Variants in ARV1 observed in about 807,000 individuals in gnomAD.
ARV1 encodes the protein protein ARV1.
ARV1 carries 26 observed loss-of-function variants against 31.1 expected under a neutral mutation model. The observed-to-expected ratio is 0.84, with a 90% confidence interval of 0.61 to 1.16. The LOEUF (loss-of-function observed/expected upper bound fraction) is 1.16, where lower values mean the gene tolerates loss of function less well. Ranked by LOEUF, ARV1 falls within the 50% of genes most tolerant of loss-of-function variation. The probability of loss-of-function intolerance (pLI) is 0.00; values close to 1 mark genes in which losing one functional copy is unlikely to be tolerated. For missense variants in ARV1, 281 were observed against 324.9 expected (o/e 0.86, Z 1.04); for synonymous variants, 117 against 123.2 (o/e 0.95, Z 0.34).
intron 1 of ARV1, among the ~76,000 whole-genome samples, chr1:230,986,642 C>A (rs1270511664): frequency 1.4e-5 from 2 of 144,006 alleles, no homozygotes; most frequent in Non-Finnish European, 3.0e-5. Context: ...TTCGTGCCTT[C>A]CACCCACAAA....
In ARV1 at chr1:230,990,280, CT is replaced by C; in HGVS notation, c.448+20del. ...CTGCTTTAGGTAAGGAGATGCCATGCTTTCCATTCTTAGTTAACTATTCTTA... is the reference window on the plus strand; with the variant it reads ...CTGCTTTAGGTAAGGAGATGCCATGCTTCCATTCTTAGTTAACTATTCTTA... On this transcript the variant is annotated intron_variant, in intron 3 of 5. Transcript: ENST00000310256. The C allele has an allele frequency of 6.2e-7, 1 of 1,611,658 alleles. No individual in the cohort carries two copies. The highest frequency in any genetic ancestry group is 8.5e-7 in the Non-Finnish European group (1 of 1,179,340).
rs1303896054 is a variant in ARV1, at chr1:230,986,746, A to G, written c.175-1574A>G. Among the ~76,000 whole-genome samples the G allele has an allele frequency of 4.7e-5, 6 of 126,528 alleles. No homozygotes were observed. The South Asian group carries it at 1.3e-3, about 27-fold the overall frequency. The allele number at this position is 126,528 out of a possible 152,430, so 83.0% of individuals were successfully genotyped here. A position where few individuals can be genotyped will look rare whatever the true frequency, so the allele number is the denominator to read the frequency against. ...GAGACAGGGTCTTGCTTTGTTGCCCAGGATGGGCTCGAACTTCTGGCTTCA... is the reference window on the plus strand; with the variant it reads ...GAGACAGGGTCTTGCTTTGTTGCCCGGGATGGGCTCGAACTTCTGGCTTCA... On this transcript the variant is annotated intron_variant, in intron 1 of 5. Transcript: ENST00000310256.
intron 5 of ARV1, among the ~76,000 whole-genome samples, chr1:230,997,694 T>C (rs1162458438): frequency 6.6e-6 from 1 of 152,190 alleles, no homozygotes; most frequent in Non-Finnish European, 1.5e-5. Context: ...TTGCCTCTTT[T>C]TTAACCACAC....
At chr1:230,985,556 G>T (rs1162147010) in intron 1 of ARV1, among the ~76,000 whole-genome samples, 1 of 152,220 alleles carries the variant, frequency 6.6e-6, no homozygotes, top group African/African-American at 2.4e-5. Flanking sequence ...AATAACAGCT[G>T]CTGTGTCTCC....
At chr1:230,988,600 A>G (rs950283317) in intron 2 of ARV1, among the ~76,000 whole-genome samples, 161 bp downstream of exon 2, 1 of 152,176 alleles carries the variant, frequency 6.6e-6, no homozygotes, top group South Asian at 2.1e-4. Context: ...AGTTTCTAGA[A>G]ATAATAGATG....
chr1:230,979,118 G>A lies in ARV1; in HGVS notation c.13G>A (p.Gly5Arg). The stretch of plus-strand genomic sequence containing the variant: ...CAGTTGAGTGGAAATGGGCAACGGC[G>A]GGCGGAGCGGCCTGCAGCAGGGGAA... MGNG[G>R]RSGLQQGKGN... The change falls in exon 1 of 6, where the codon GGG becomes AGG. Residue 5 changes from glycine to arginine, a missense_variant. Transcript: ENST00000310256. 2 of 1,597,526 alleles carry A rather than the reference G, an allele frequency of 1.3e-6. No individual in the cohort carries two copies. Among genetic ancestry groups the A allele is most frequent in the Non-Finnish European group, 1.7e-6 (2 of 1,173,296 alleles).
At chr1:230,987,410 C>G (rs1449882889) in intron 1 of ARV1, among the ~76,000 whole-genome samples, 1 of 152,178 alleles carries the variant, frequency 6.6e-6, no homozygotes, top group Non-Finnish European at 1.5e-5. Flanking sequence ...AGCATTGATG[C>G]ATTTTTGTGA....
At chr1:230,989,918 TCCC>T (rs1047387130) in intron 2 of ARV1, among the ~76,000 whole-genome samples, 189 bp from the exon 3 acceptor site, 3 of 152,214 alleles carry the variant, frequency 2.0e-5, no homozygotes, top group African/African-American at 7.2e-5. Context: ...GAAAAAAATC[TCCC>T]CATGTGCTTC....
intron 2 of ARV1, among the ~76,000 whole-genome samples, chr1:230,989,571 CT>C (rs1679174210): frequency 6.6e-6 from 1 of 152,148 alleles, no homozygotes; most frequent in African/African-American, 2.4e-5. Context: ...TAATTGTTCT[CT>C]TTTAACATAT....
chr1:230,980,363 G>C (rs1026688625), intron 1 of ARV1, among the ~76,000 whole-genome samples: 1 of 151,394 alleles, frequency 6.6e-6, no homozygotes, highest in Non-Finnish European at 1.5e-5. Context: ...TTGAGATAGA[G>C]TTTCCCTCTG....
chr1:230,984,371 T>TGCGCGC (rs1189194460), intron 1 of ARV1, among the ~76,000 whole-genome samples: 1 of 85,490 alleles, frequency 1.2e-5, no homozygotes, highest in African/African-American at 4.4e-5. Flanking sequence ...TGCGTGTGTG[T>TGCGCGC]GTGTGTGTGT....
At position 230,988,464 on chromosome 1, in the gene ARV1, T is replaced by A. The variant is rs188069285; in HGVS notation, c.294+25T>A. 4.1e-4 allele frequency: 604 copies of A among 1,465,432 alleles called. 2 individuals are homozygous for A. Among genetic ancestry groups the A allele is most frequent in the Admixed American group, 2.2e-3 (99 of 45,692 alleles). 90.8% of individuals were successfully genotyped at this position (1,465,432 alleles called of 1,614,324 possible). On this transcript the variant is annotated intron_variant, in intron 2 of 5. Coordinates refer to ENST00000310256, the MANE Select transcript of ARV1 (RefSeq NM_022786.3). The stretch of plus-strand genomic sequence containing the variant: ...TGTAAGTTGTGATAATTTCATTTTT[T>A]AATTTTATTTGATGCTGTTACATTT...
In ARV1 at chr1:230,997,073, A is replaced by C. The variant is rs373003003; in HGVS notation, c.674-48A>C. On this transcript the variant is annotated intron_variant, in intron 4 of 5. Transcript: ENST00000310256. ...ATACTACCCGAAAATTTACATGTCA[A>C]TATCGTTTCATTAATTCTGAACTTA... The C allele has an allele frequency of 8.0e-5, 127 of 1,592,304 alleles. No individual in the cohort carries two copies. In the African/African-American group the frequency reaches 1.6e-3, roughly 20 times the overall value.
chr1:230,997,173 A>G lies in ARV1; in HGVS notation c.726A>G (p.Leu242=). The change falls in exon 5 of 6, where the codon TTA becomes TTG. Residue 242 remains leucine (L), a synonymous_variant. Transcript: ENST00000310256. Reference sequence around the variant, plus strand: ...CCTTCTTGGCCGTGTTGAGTGGCTTACTGCTGGAAAGCATCATGGTCTACT... The same window carrying G: ...CCTTCTTGGCCGTGTTGAGTGGCTTGCTGCTGGAAAGCATCATGGTCTACT... The part of the protein sequence containing the change: ...KLSFLAVLSG[L]LLESIMVYFF... The G allele has an allele frequency of 6.2e-7, 1 of 1,614,048 alleles. No individual in the cohort carries two copies. Among genetic ancestry groups the G allele is most frequent in the Non-Finnish European group, 8.5e-7 (1 of 1,179,918 alleles).
intron 1 of ARV1, among the ~76,000 whole-genome samples, chr1:230,981,031 T>A (rs1357345818): frequency 6.6e-6 from 1 of 152,206 alleles, no homozygotes; most frequent in Admixed American, 6.5e-5. Context: ...TTTTACCTCA[T>A]TACTTCCTCC....
At chr1:230,991,657 A>C (rs1679230377) in intron 3 of ARV1, among the ~76,000 whole-genome samples, 1 of 131,862 alleles carries the variant, frequency 7.6e-6, no homozygotes, top group Non-Finnish European at 1.6e-5. Flanking sequence ...TTTGAGACGG[A>C]GTCTCACTCT....
chr1:230,998,249 G>A (rs1175424906), intron 5 of ARV1, among the ~76,000 whole-genome samples: 1 of 152,152 alleles, frequency 6.6e-6, no homozygotes, highest in Non-Finnish European at 1.5e-5. Flanking sequence ...GAAAACACTG[G>A]AGCAGAGGGA....
chr1:230,996,590 A>G (rs577464369), intron 4 of ARV1, among the ~76,000 whole-genome samples: 1 of 152,082 alleles, frequency 6.6e-6, no homozygotes, highest in Non-Finnish European at 1.5e-5. Context: ...GGCCACAGGT[A>G]TATGCCACCA....
chr1:230,989,225 A>G (rs867088763), intron 2 of ARV1, among the ~76,000 whole-genome samples: 10 of 152,028 alleles, frequency 6.6e-5, no homozygotes, highest in Middle Eastern at 3.4e-3. Context: ...TGCAGCCTCT[A>G]CCTCCTGGGT....
Sources: allele counts gnomAD v4.1 joint callset (sites outside exome capture counted in the v4.1 genomes callset), GRCh38; gene constraint gnomAD v4.1.1; transcripts MANE v1.5; gene names NCBI Gene and HGNC (gene_info 2026-07-23, HGNC 2026-07-21).